The following DPYD variants were observed in gnomAD, a reference collection of about 807,000 sequenced individuals.
DPYD encodes dihydropyrimidine dehydrogenase [NADP(+)].
DPYD carries 109 observed loss-of-function variants against 116.2 expected under a neutral mutation model. The observed-to-expected ratio is 0.94, with a 90% CI of 0.80 to 1.10. The LOEUF is 1.10. DPYD is among the 50% of genes least tolerant of loss of function. The pLI, the probability that DPYD is intolerant of heterozygous loss-of-function variation, is 0.00. For synonymous variants in DPYD, 440 were observed against 432.0 expected (o/e 1.02, Z -0.23); for missense variants, 1,302 against 1,254.5 (o/e 1.04, Z -0.57).
chr1:97,568,076 A>G (rs1054655806), intron 11 of DPYD, among the ~76,000 whole-genome samples: 2 of 152,146 alleles, frequency 1.3e-5, no homozygotes, highest in African/African-American at 4.8e-5. Context: ...GTTTAAAAAT[A>G]TATAATACAG....
chr1:97,322,309 G>C (rs1332432316), intron 16 of DPYD, among the ~76,000 whole-genome samples: 1 of 151,242 alleles, frequency 6.6e-6, no homozygotes, highest in African/African-American at 2.4e-5. Context: ...GCTGCTGTAG[G>C]AGCTGGAAAG....
At chr1:97,480,385 A>G (rs1295436865) in intron 13 of DPYD, among the ~76,000 whole-genome samples, 1 of 152,238 alleles carries the variant, frequency 6.6e-6, no homozygotes, top group East Asian at 1.9e-4. Context: ...TGTGTAAAAA[A>G]CATATACACT....
chr1:97,215,025 G>C (rs1465343137), intron 19 of DPYD, among the ~76,000 whole-genome samples: 1 of 152,160 alleles, frequency 6.6e-6, no homozygotes, highest in African/African-American at 2.4e-5. Context: ...TGGCATAAAT[G>C]CATAAAACTA....
At chr1:97,766,480 A>C (rs1327783431) in intron 3 of DPYD, among the ~76,000 whole-genome samples, 1 of 152,058 alleles carries the variant, frequency 6.6e-6, no homozygotes, top group Non-Finnish European at 1.5e-5. Context: ...GGAAAATAAA[A>C]TTGTTTTTCC....
intron 16 of DPYD, among the ~76,000 whole-genome samples, chr1:97,348,307 T>C (rs187930365): frequency 3.3e-5 from 5 of 152,308 alleles, no homozygotes; most frequent in African/African-American, 1.2e-4. Context: ...TAACAAGGGA[T>C]TGAATGCTGT....
At chr1:97,911,443 T>C (rs999132919) in intron 1 of DPYD, among the ~76,000 whole-genome samples, 3 of 152,094 alleles carry the variant, frequency 2.0e-5, no homozygotes, top group African/African-American at 4.8e-5. Context: ...AGCTTTAAAA[T>C]GTAGCAAAAA....
intron 2 of DPYD, among the ~76,000 whole-genome samples, chr1:97,830,018 G>C (rs900350347): frequency 6.6e-6 from 1 of 151,790 alleles, no homozygotes; most frequent in Non-Finnish European, 1.5e-5. Context: ...CTCTCCTTGT[G>C]ATAGTTTGCT....
chr1:97,529,895 T>A (rs1209847039), intron 12 of DPYD, among the ~76,000 whole-genome samples: 2 of 150,568 alleles, frequency 1.3e-5, no homozygotes. Context: ...TCTTTCTCCT[T>A]CCTCCCTTCC....
chr1:97,573,645 A>C, intron 11 of DPYD, 115 bp downstream of exon 11: 1 of 1,307,652 alleles, frequency 7.6e-7, no homozygotes, highest in Non-Finnish European at 1.1e-6. Context: ...TTACTTCTTA[A>C]CTAGAAGAGG....
chr1:97,546,862 C>A, intron 12 of DPYD: 1 of 1,609,854 alleles, frequency 6.2e-7, no homozygotes. Flanking sequence ...AAATCACCCA[C>A]AGTGGGATAC....
intron 3 of DPYD, among the ~76,000 whole-genome samples, chr1:97,742,879 GCA>G (rs928526575): frequency 1.3e-5 from 2 of 151,726 alleles, no homozygotes; most frequent in Admixed American, 6.6e-5. Flanking sequence ...AAAAGTAAGC[GCA>G]CACACACACA....
chr1:97,083,564 C>T (rs1649312571), intron 21 of DPYD, among the ~76,000 whole-genome samples: 1 of 152,036 alleles, frequency 6.6e-6, no homozygotes, highest in Admixed American at 6.6e-5. Flanking sequence ...ATATTGTCTT[C>T]CCTATTTTCT....
At chr1:97,618,394 T>C (rs1383046088) in intron 8 of DPYD, among the ~76,000 whole-genome samples, 1 of 130,346 alleles carries the variant, frequency 7.7e-6, no homozygotes, top group African/African-American at 2.7e-5. Context: ...TTTTTTTTTC[T>C]AGATGGAGTC....
chr1:97,709,394 G>T (rs1262854584), intron 5 of DPYD, among the ~76,000 whole-genome samples: 2 of 151,584 alleles, frequency 1.3e-5, no homozygotes, highest in Admixed American at 6.6e-5. Flanking sequence ...TAAGTACATG[G>T]TATATATTTT....
At chr1:97,270,830 A>G (rs1198868756) in intron 18 of DPYD, among the ~76,000 whole-genome samples, 2 of 152,298 alleles carry the variant, frequency 1.3e-5, no homozygotes, top group Non-Finnish European at 2.9e-5. Flanking sequence ...ATTCAGGAAG[A>G]TTTCTGCTCT....
At chr1:97,488,982 A>C (rs1030054988) in intron 13 of DPYD, among the ~76,000 whole-genome samples, 26 of 152,180 alleles carry the variant, frequency 1.7e-4, no homozygotes, top group Non-Finnish European at 3.5e-4. Context: ...GCTTCAGTAA[A>C]AGTTGCTAAC....
intron 3 of DPYD, among the ~76,000 whole-genome samples, chr1:97,767,010 G>A (rs371039621): frequency 6.6e-6 from 1 of 152,112 alleles, no homozygotes; most frequent in African/African-American, 2.4e-5. Context: ...GCAAAGGCAG[G>A]ATTTAAGAAA....
chr1:97,170,001 T>C (rs1471502521), intron 20 of DPYD, among the ~76,000 whole-genome samples: 1 of 152,218 alleles, frequency 6.6e-6, no homozygotes, highest in East Asian at 1.9e-4. Context: ...ATCCTGGGAA[T>C]TCTTCTTTGG....
chr1:97,684,163 T>C (rs1311232635), intron 7 of DPYD, among the ~76,000 whole-genome samples: 1 of 152,170 alleles, frequency 6.6e-6, no homozygotes, highest in Non-Finnish European at 1.5e-5. Flanking sequence ...CTTTCTGAAG[T>C]GGCATTTAGC....
Sources: allele counts gnomAD v4.1 joint callset (sites outside exome capture counted in the v4.1 genomes callset), GRCh38; gene constraint gnomAD v4.1.1; transcripts MANE v1.5; gene names NCBI Gene and HGNC (gene_info 2026-07-23, HGNC 2026-07-21).